CACNA1I: variants seen among roughly 807,000 people sequenced by gnomAD.
The protein encoded by CACNA1I is calcium voltage-gated channel subunit alpha1 I.
Under a neutral mutation model 201.6 loss-of-function variants are expected in CACNA1I, and 74 were observed. The ratio of observed to expected loss-of-function variants is 0.37; its 90% CI spans 0.30 to 0.45. The LOEUF is 0.45. Among genes scored for constraint, CACNA1I ranks in the 20% least tolerant of loss-of-function variants. The pLI is 1.00. For synonymous variants in CACNA1I, 1,431 were observed against 1,345.2 expected (o/e 1.06, Z -1.40); for missense variants, 2,346 against 3,138.1 (o/e 0.75, Z 6.03).
rs190306906 is a variant in CACNA1I, at chr22:39,590,118, C to T, written c.237-8033C>T. On this transcript the variant is annotated intron_variant, in intron 1 of 36. Transcript: ENST00000402142. ...TGCCCTGCAGGGCCTGCCCGGGCGC[C>T]GGGCACTGCCCCTCCACACGGTTGC... Among the ~76,000 whole-genome samples the T allele has an allele frequency of 2.1e-3, 314 of 152,264 alleles. 1 individual carries two copies. The highest frequency in any genetic ancestry group is 7.2e-3 in the African/African-American group (299 of 41,548).
intron 25 of CACNA1I, among the ~76,000 whole-genome samples, chr22:39,670,457 G>A: frequency 6.6e-6 from 1 of 152,356 alleles, no homozygotes; most frequent in East Asian, 1.9e-4. Context: ...GAGTGAGGCT[G>A]TTGGGGGTTC....
At chr22:39,619,602 G>A (rs758491028) in intron 4 of CACNA1I, among the ~76,000 whole-genome samples, 195 bp downstream of exon 4, 2 of 151,916 alleles carry the variant, frequency 1.3e-5, no homozygotes, top group Non-Finnish European at 2.9e-5. Context: ...AGAGCTCATG[G>A]GCCTGAAGAC....
chr22:39,641,855 G>A (rs561704511), intron 6 of CACNA1I, among the ~76,000 whole-genome samples: 79 of 151,842 alleles, frequency 5.2e-4, no homozygotes, highest in African/African-American at 1.9e-3. Flanking sequence ...GCCTCTCTGT[G>A]CCTCAGTTTT....
At chr22:39,571,216 G>A (rs945660732) in intron 1 of CACNA1I, 76 of 582,668 alleles carry the variant, frequency 1.3e-4, no homozygotes, top group African/African-American at 1.9e-4. Flanking sequence ...GTTGCTGGTG[G>A]CTGTGGGGTC....
intron 3 of CACNA1I, among the ~76,000 whole-genome samples, chr22:39,607,335 A>G (rs1039078683): frequency 2.0e-5 from 3 of 152,244 alleles, no homozygotes; most frequent in African/African-American, 7.2e-5. Flanking sequence ...TGTTCCTCCA[A>G]CGTCAGGGAG....
In CACNA1I at chr22:39,640,861, G is replaced by A; in HGVS notation, c.741-6G>A. The A allele has an allele frequency of 1.2e-6, 2 of 1,608,290 alleles. No homozygotes were observed. The highest frequency in any genetic ancestry group is 1.7e-6 in the Non-Finnish European group (2 of 1,176,446). ...CCCTCTTTTACCCACCCTCGCCTGT[G>A]GACAGACAAGGGGATGTGGCCTTGC... On this transcript the variant is annotated splice_polypyrimidine_tract_variant and splice_region_variant and intron_variant, in intron 5 of 36. Transcript: ENST00000402142.
rs569965258 is a variant in CACNA1I, at chr22:39,622,972, C to T, written c.580+3565C>T. Among the ~76,000 whole-genome samples, 11 of 152,340 alleles carry T rather than the reference C, an allele frequency of 7.2e-5. No individual in the cohort carries two copies. The South Asian group carries it at 2.3e-3, about 32-fold the overall frequency. On this transcript the variant is annotated intron_variant, in intron 4 of 36. Coordinates refer to ENST00000402142, the MANE Select transcript of CACNA1I (RefSeq NM_021096.4). ...CACCGCCACCTTCCAGAGGTGTGTG[C>T]ACGTTGCAGAGGGTCGCACACAAGG...
chr22:39,637,074 A>G (rs1261952052), intron 5 of CACNA1I, among the ~76,000 whole-genome samples: 1 of 152,190 alleles, frequency 6.6e-6, no homozygotes, highest in Non-Finnish European at 1.5e-5. Context: ...CTGTCATTCC[A>G]CAAACACTCA....
chr22:39,669,599 G>A (rs982316934), intron 24 of CACNA1I, among the ~76,000 whole-genome samples: 2 of 151,970 alleles, frequency 1.3e-5, no homozygotes, highest in Non-Finnish European at 2.9e-5. Context: ...CTGGCTGGCT[G>A]GCTGGTGGGT....
rs1244524392 is a variant in CACNA1I at position 39,660,557 on chromosome 22, A to G, written c.2698+120A>G. The G allele has an allele frequency of 6.5e-6, 4 of 618,914 alleles. No homozygotes were observed. The African/African-American group carries it at 7.5e-5, about 12-fold the overall frequency. 38.3% of individuals were successfully genotyped at this position (618,914 alleles called of 1,614,324 possible). ...CAGGCTCAGGGACTGCTACTTATCT[A>G]TGGTTTGTTGTTTACGTTCATAATT... On this transcript the variant is annotated intron_variant, in intron 15 of 36. Coordinates refer to ENST00000402142, the MANE Select transcript of CACNA1I (RefSeq NM_021096.4).
Position 39,663,761 on chromosome 22 carries a change from G to A in CACNA1I, c.3517G>A (p.Asp1173Asn). ...GACCATTATTGCCCACAAACTCTTCGACTACGTCGTCCTGGCCTTCATCTT... is the reference window on the plus strand; with the variant it reads ...GACCATTATTGCCCACAAACTCTTCAACTACGTCGTCCTGGCCTTCATCTT... ...CQTIIAHKLF[D>N]YVVLAFIFLN... Residue 1173 changes from aspartate (D) to asparagine (N), a missense_variant, in exon 19 of 37, where the codon GAC (aspartate) becomes AAC (asparagine). By Grantham distance (23) the Asp-to-Asn change is conservative. Transcript: ENST00000402142. 6.2e-7 allele frequency: 1 copy of A among 1,612,380 alleles called. No homozygotes were observed. The highest frequency in any genetic ancestry group is 1.3e-5 in the African/African-American group (1 of 74,910).
At chr22:39,680,783 A>T in intron 33 of CACNA1I, 147 bp from the exon 34 acceptor site, 1 of 817,724 alleles carries the variant, frequency 1.2e-6, no homozygotes, top group Middle Eastern at 3.7e-4. Flanking sequence ...CAGGATGGAC[A>T]CATCATCCGT....
intron 3 of CACNA1I, among the ~76,000 whole-genome samples, chr22:39,610,621 T>C (rs5995759): frequency 0.52 from 78,688 of 152,004 alleles, 22,102 homozygotes; most frequent in African/African-American, 0.7. Flanking sequence ...ACAGAAACCC[T>C]GAATCTGGTT....
At chr22:39,613,401 G>T (rs1415321345) in intron 3 of CACNA1I, among the ~76,000 whole-genome samples, 1 of 152,180 alleles carries the variant, frequency 6.6e-6, no homozygotes, top group Non-Finnish European at 1.5e-5. Context: ...CTGCCTGGGG[G>T]TGGGGTCTGG....
At chr22:39,593,746 G>A (rs1331848574) in intron 1 of CACNA1I, among the ~76,000 whole-genome samples, 1 of 152,190 alleles carries the variant, frequency 6.6e-6, no homozygotes, top group South Asian at 2.1e-4. Flanking sequence ...GGCAGGAAAA[G>A]CCTCCAGCCT....
rs547815997 is a variant in CACNA1I, at chr22:39,584,257, C to T, written c.236+13269C>T. 4.6e-5 allele frequency among the ~76,000 whole-genome samples: 7 copies of T among 151,672 alleles called. No individual in the cohort carries two copies. The East Asian group carries it at 5.8e-4, about 13-fold the overall frequency. On this transcript the variant is annotated intron_variant, in intron 1 of 36. Transcript: ENST00000402142. ...ACAGATCTCCGAGATAGATGTGGGG[C>T]GAGGGGAAGGGAGGTTCCAGAGAGT...
chr22:39,576,428 C>T (rs1932354585), intron 1 of CACNA1I, among the ~76,000 whole-genome samples: 1 of 152,232 alleles, frequency 6.6e-6, no homozygotes, highest in Non-Finnish European at 1.5e-5. Flanking sequence ...GCGGAGCTGG[C>T]ATCAAAACCC....
At position 39,677,960 on chromosome 22, in the gene CACNA1I, C is replaced by T; in HGVS notation, c.4934-27C>T. On this transcript the variant is annotated intron_variant, in intron 30 of 36. Coordinates refer to ENST00000402142, the MANE Select transcript of CACNA1I (RefSeq NM_021096.4). This position sits in a 1 kb window ranked among gnomAD's most constrained non-coding sequence, Gnocchi z 4.8. ...GCCCCGCAGGCACTCCGCCATCGGGCAGGGCTGACCTCCTCCCCGCTTCCA... is the reference window on the plus strand; with the variant it reads ...GCCCCGCAGGCACTCCGCCATCGGGTAGGGCTGACCTCCTCCCCGCTTCCA... The T allele has an allele frequency of 6.4e-7, 1 of 1,564,942 alleles. No individual in the cohort carries two copies. The highest frequency in any genetic ancestry group is 8.7e-7 in the Non-Finnish European group (1 of 1,155,620).
At position 39,662,806 on chromosome 22, in the gene CACNA1I, G is replaced by T. The variant is rs768117821; in HGVS notation, c.3403G>T (p.Asp1135Tyr). Residue 1135 changes from aspartate to tyrosine, a missense_variant, in exon 18 of 37, where the codon GAC becomes TAC. Asp to Tyr is a radical substitution (Grantham distance 160). Coordinates refer to ENST00000402142, the MANE Select transcript of CACNA1I (RefSeq NM_021096.4). ...GTGCTTCCGCGTCCGCAAGATGATC[G>T]ACGTCTATAAGCCCGACTGGTGCGA... ...TLCFRVRKMI[D>Y]VYKPDWCEVR... The T allele has an allele frequency of 6.3e-7, 1 of 1,599,654 alleles. No individual in the cohort carries two copies. The highest frequency in any genetic ancestry group is 8.5e-7 in the Non-Finnish European group (1 of 1,173,748).
Sources: allele counts gnomAD v4.1 joint callset (sites outside exome capture counted in the v4.1 genomes callset), GRCh38; gene constraint gnomAD v4.1.1; non-coding constraint Gnocchi (gnomAD v3.1); transcripts MANE v1.5; gene names NCBI Gene and HGNC (gene_info 2026-07-23, HGNC 2026-07-21).